The following STAC variants were observed in gnomAD, a reference collection of about 807,000 sequenced individuals.
STAC encodes the protein SH3 and cysteine-rich domain-containing protein.
In STAC, 43 loss-of-function variants were observed where a neutral mutation model predicts 48.8. The observed-to-expected ratio is 0.88, with a 90% CI of 0.69 to 1.14. The LOEUF is 1.14. Ranked by LOEUF, STAC falls within the 50% of genes most tolerant of loss-of-function variation. The probability of loss-of-function intolerance (pLI) is 0.00; values close to 1 mark genes in which losing one functional copy is unlikely to be tolerated. For synonymous variants in STAC, 193 were observed against 179.5 expected (o/e 1.07, Z -0.60); for missense variants, 497 against 504.0 (o/e 0.99, Z 0.13).
Position 36,504,264 on chromosome 3 carries a change from GT to G in STAC, c.767-128del, listed in dbSNP as rs1698345850. On this transcript the variant is annotated intron_variant, in intron 6 of 10. Coordinates refer to ENST00000273183, the MANE Select transcript of STAC (RefSeq NM_003149.3). ...CCACCTGAACGCTGGGTCACAGAGG[GT>G]GAGGAAAAGGCAATAAGTAGTAAAG... is the stretch of plus-strand genomic sequence containing the variant. 10 of 801,802 alleles carry G rather than the reference GT, an allele frequency of 1.2e-5. No homozygotes were observed. In the South Asian group the frequency reaches 1.6e-4, roughly 13 times the overall value. The allele number at this position is 801,802 out of a possible 1,614,324, so 49.7% of individuals were successfully genotyped here. A position where few individuals can be genotyped will look rare whatever the true frequency, so the allele number is the denominator to read the frequency against.
chr3:36,493,034 C>A, intron 5 of STAC, 117 bp from the exon 6 acceptor site: 1 of 901,448 alleles, frequency 1.1e-6, no homozygotes, highest in Non-Finnish European at 1.7e-6. Flanking sequence ...AGACAGCAAT[C>A]ACTGGGTCCT....
chr3:36,461,604 CAAG>C (rs1041785118), intron 2 of STAC, among the ~76,000 whole-genome samples: 6 of 152,030 alleles, frequency 3.9e-5, no homozygotes, highest in Non-Finnish European at 8.8e-5. Flanking sequence ...GTAAAACAAA[CAAG>C]AAGAGAAAGA....
chr3:36,479,200 T>G (rs575949691), intron 2 of STAC, among the ~76,000 whole-genome samples: 1 of 152,348 alleles, frequency 6.6e-6, no homozygotes, highest in Non-Finnish European at 1.5e-5. Context: ...GGAAAATATC[T>G]TTATTCTACC....
intron 8 of STAC, among the ~76,000 whole-genome samples, chr3:36,508,623 T>C (rs1278831641): frequency 6.6e-6 from 1 of 152,190 alleles, no homozygotes; most frequent in Non-Finnish European, 1.5e-5. Context: ...GGTGCATATA[T>C]ATTTAGGGTA....
chr3:36,484,191 T>G (rs572595110), intron 3 of STAC, among the ~76,000 whole-genome samples: 1 of 152,104 alleles, frequency 6.6e-6, no homozygotes, highest in Non-Finnish European at 1.5e-5. Flanking sequence ...AGATAATGTC[T>G]TGCTTCCAGG....
chr3:36,500,354 C>T (rs1296536047), intron 6 of STAC, among the ~76,000 whole-genome samples: 1 of 152,118 alleles, frequency 6.6e-6, no homozygotes, highest in Non-Finnish European at 1.5e-5. Flanking sequence ...AACAGAAAAC[C>T]AAACACTGCA....
At chr3:36,523,643 C>T (rs1212975123) in intron 8 of STAC, among the ~76,000 whole-genome samples, 3 of 152,112 alleles carry the variant, frequency 2.0e-5, no homozygotes, top group Non-Finnish European at 4.4e-5. Context: ...TCAAATGTGC[C>T]TGTAGTGTGA....
intron 5 of STAC, among the ~76,000 whole-genome samples, chr3:36,490,975 G>A (rs1053713357): frequency 6.6e-6 from 1 of 152,208 alleles, no homozygotes; most frequent in African/African-American, 2.4e-5. Context: ...TGAAGGCATT[G>A]TTCTGAGAGC....
intron 8 of STAC, among the ~76,000 whole-genome samples, chr3:36,524,003 G>C (rs1698866433): frequency 1.3e-5 from 2 of 152,292 alleles, no homozygotes; most frequent in South Asian, 4.1e-4. Flanking sequence ...CAGGAAGCTG[G>C]AGCTACAGTA....
intron 1 of STAC, among the ~76,000 whole-genome samples, chr3:36,415,389 C>A (rs113517711): frequency 6.6e-6 from 1 of 152,074 alleles, no homozygotes; most frequent in Non-Finnish European, 1.5e-5. Flanking sequence ...CCCCCAGCCT[C>A]GTTGCCACCT....
At chr3:36,384,933 A>G (rs942180532) in intron 1 of STAC, among the ~76,000 whole-genome samples, 3 of 152,196 alleles carry the variant, frequency 2.0e-5, no homozygotes, top group Admixed American at 6.5e-5. Context: ...TGTGCCCAGC[A>G]TATCTCATAC....
At chr3:36,538,162 A>G (rs557426560) in intron 10 of STAC, among the ~76,000 whole-genome samples, 1 of 152,274 alleles carries the variant, frequency 6.6e-6, no homozygotes, top group African/African-American at 2.4e-5. Context: ...TAGTTTCCTA[A>G]CATTTAAAAA....
In STAC at chr3:36,408,622, GAT is replaced by G. The variant is rs566181897; in HGVS notation, c.111+27869_111+27870del. ...GCTCCTGGAAAAGGTTTTCTAGACT[GAT>G]TAGAACACATACAAGAGAAAATGCC... On this transcript the variant is annotated intron_variant, in intron 1 of 10. Coordinates refer to ENST00000273183, the MANE Select transcript of STAC (RefSeq NM_003149.3). Among the ~76,000 whole-genome samples, 1,002 of 152,310 alleles carry G rather than the reference GAT, an allele frequency of 6.6e-3. 6 individuals are homozygous for G. The highest frequency in any genetic ancestry group is 0.011 in the Non-Finnish European group (727 of 68,018).
intron 2 of STAC, among the ~76,000 whole-genome samples, chr3:36,456,504 C>T (rs1039005514): frequency 4.6e-5 from 7 of 152,158 alleles, no homozygotes; most frequent in African/African-American, 1.7e-4. Context: ...TGCTTCTTCC[C>T]TGTCTTAATG....
intron 1 of STAC, among the ~76,000 whole-genome samples, chr3:36,416,601 C>A (rs571620883): frequency 6.6e-6 from 1 of 152,312 alleles, no homozygotes; most frequent in African/African-American, 2.4e-5. Flanking sequence ...TTATGCCCAT[C>A]ATCTCCAGTC....
chr3:36,455,773 G>GTGT (rs1350957221), intron 2 of STAC, among the ~76,000 whole-genome samples: 1 of 152,048 alleles, frequency 6.6e-6, no homozygotes, highest in African/African-American at 2.4e-5. Flanking sequence ...GTGTGTGTGT[G>GTGT]TGTGTGTGTG....
intron 6 of STAC, among the ~76,000 whole-genome samples, chr3:36,500,135 G>A (rs543382960): frequency 2.6e-5 from 4 of 152,230 alleles, no homozygotes; most frequent in African/African-American, 7.2e-5. Flanking sequence ...CAGATATAGA[G>A]GATTTGATGA....
chr3:36,390,919 T>A (rs148602196), intron 1 of STAC, among the ~76,000 whole-genome samples: 4 of 152,236 alleles, frequency 2.6e-5, no homozygotes, highest in Non-Finnish European at 5.9e-5. Flanking sequence ...TTGGCTTGAG[T>A]CAGATTTGTT....
At chr3:36,448,073 T>G (rs927060479) in intron 2 of STAC, among the ~76,000 whole-genome samples, 1 of 152,230 alleles carries the variant, frequency 6.6e-6, no homozygotes, top group African/African-American at 2.4e-5. Flanking sequence ...CAGTGTAATG[T>G]CTGGTCCAAC....
Sources: allele counts gnomAD v4.1 joint callset (sites outside exome capture counted in the v4.1 genomes callset), GRCh38; gene constraint gnomAD v4.1.1; transcripts MANE v1.5; gene names NCBI Gene and HGNC (gene_info 2026-07-23, HGNC 2026-07-21).